The following RAB20 variants were observed in gnomAD, a reference collection of about 807,000 sequenced individuals.
The protein encoded by RAB20 is ras-related protein Rab-20.
Under a neutral mutation model 3.7 loss-of-function variants are expected in RAB20, and 2 were observed. The ratio of observed to expected loss-of-function variants is 0.54; its 90% CI spans 0.22 to 1.69. The LOEUF is 1.69. Among genes scored for constraint, RAB20 ranks in the 40% most tolerant of loss-of-function variants. The probability of loss-of-function intolerance (pLI) is 0.19; values close to 1 mark genes in which losing one functional copy is unlikely to be tolerated. For missense variants in RAB20, 276 were observed against 311.9 expected (o/e 0.88, Z 0.87); for synonymous variants, 126 against 130.8 (o/e 0.96, Z 0.25).
rs199610458 is a variant in RAB20, at chr13:110,546,723, TTTG to T, written c.172+14622_172+14624del. Among the ~76,000 whole-genome samples the T allele has an allele frequency of 1.9e-3, 76 of 39,970 alleles. 1 individual carries two copies. The highest frequency in any genetic ancestry group is 6.2e-3 in the Admixed American group (22 of 3,548). 26.2% of individuals were successfully genotyped at this position (39,970 alleles called of 152,430 possible). A position where few individuals can be genotyped will look rare whatever the true frequency, so the allele number is the denominator to read the frequency against. On this transcript the variant is annotated intron_variant, in intron 1 of 1. Transcript: ENST00000267328. ...CTGTTTTTTTTTGTTTTTTGGGTTT[TTTG>T]TTTGTTTGTTTGTTTGTTTGTTTGT...
chr13:110,533,057 C>T (rs746025566), intron 1 of RAB20, among the ~76,000 whole-genome samples: 26 of 152,176 alleles, frequency 1.7e-4, no homozygotes, highest in Non-Finnish European at 5.9e-5. Context: ...CACAAAACAT[C>T]GATGTGACAA....
At chr13:110,538,549 T>A (rs1298483167) in intron 1 of RAB20, among the ~76,000 whole-genome samples, 1 of 136,588 alleles carries the variant, frequency 7.3e-6, no homozygotes, top group African/African-American at 2.7e-5. Flanking sequence ...GAGGTTGTAG[T>A]GAGCTATGAT....
chr13:110,530,726 A>G (rs1262649116), intron 1 of RAB20, among the ~76,000 whole-genome samples: 76 of 95,936 alleles, frequency 7.9e-4, no homozygotes, highest in African/African-American at 1.1e-3. Context: ...ACAGGGCCCT[A>G]GGGAAGTAGG....
chr13:110,530,103 C>A (rs533750338), intron 1 of RAB20, among the ~76,000 whole-genome samples: 1 of 152,008 alleles, frequency 6.6e-6, no homozygotes, highest in Non-Finnish European at 1.5e-5. Flanking sequence ...CAGACAGGGC[C>A]CTGGGGAGGC....
chr13:110,548,070 T>C (rs1190035156), intron 1 of RAB20, among the ~76,000 whole-genome samples: 1 of 152,126 alleles, frequency 6.6e-6, no homozygotes, highest in Non-Finnish European at 1.5e-5. Flanking sequence ...ATTTCCAAAA[T>C]ACAAATAGGA....
intron 1 of RAB20, among the ~76,000 whole-genome samples, chr13:110,534,044 G>C (rs1458221408): frequency 6.6e-6 from 1 of 152,218 alleles, no homozygotes; most frequent in African/African-American, 2.4e-5. Flanking sequence ...TCGGGCCCCG[G>C]TGCCCAGCAG....
chr13:110,536,063 G>A (rs933570817), intron 1 of RAB20, among the ~76,000 whole-genome samples: 1 of 152,182 alleles, frequency 6.6e-6, no homozygotes, highest in African/African-American at 2.4e-5. Context: ...CCTTATTAGA[G>A]AAGACACCCG....
intron 1 of RAB20, among the ~76,000 whole-genome samples, chr13:110,525,725 G>C (rs188238236): frequency 6.6e-6 from 1 of 152,190 alleles, no homozygotes; most frequent in South Asian, 2.1e-4. Context: ...ACGCCTGCTG[G>C]TATGTCCTCC....
At chr13:110,531,960 T>C (rs1221497477) in intron 1 of RAB20, among the ~76,000 whole-genome samples, 3 of 152,172 alleles carry the variant, frequency 2.0e-5, no homozygotes, top group Admixed American at 6.5e-5. Flanking sequence ...CCCAAGTGCT[T>C]TCCATTTCAC....
chr13:110,540,870 A>G (rs1884747677), intron 1 of RAB20, among the ~76,000 whole-genome samples: 1 of 152,250 alleles, frequency 6.6e-6, no homozygotes, highest in Non-Finnish European at 1.5e-5. Context: ...AAAGAAGGCG[A>G]GGAGCTGGAA....
At chr13:110,536,111 CG>C (rs34671922) in intron 1 of RAB20, among the ~76,000 whole-genome samples, 1 of 152,172 alleles carries the variant, frequency 6.6e-6, no homozygotes, top group Non-Finnish European at 1.5e-5. Context: ...GGCAGACCCC[CG>C]GGGAGGAGAC....
rs866026238 is a variant in RAB20 at position 110,536,726 on chromosome 13, C to T, written c.173-12529G>A. ...TATCTAAAATGGCTTTTTTTTGGGGCGGTGGGGGGGGGTTGTTTTTATGTT... is the reference window on the plus strand; with the variant it reads ...TATCTAAAATGGCTTTTTTTTGGGGTGGTGGGGGGGGGTTGTTTTTATGTT... On this transcript the variant is annotated intron_variant, in intron 1 of 1. Transcript: ENST00000267328. Among the ~76,000 whole-genome samples the T allele has an allele frequency of 5.8e-3, 61 of 10,568 alleles. 6 individuals carry two copies. The highest frequency in any genetic ancestry group is 7.0e-3 in the Non-Finnish European group (45 of 6,452). 6.9% of individuals were successfully genotyped at this position (10,568 alleles called of 152,430 possible). A position where few individuals can be genotyped will look rare whatever the true frequency, so the allele number is the denominator to read the frequency against.
At chr13:110,538,859 A>T (rs1437522036) in intron 1 of RAB20, among the ~76,000 whole-genome samples, 2 of 152,122 alleles carry the variant, frequency 1.3e-5, no homozygotes, top group Non-Finnish European at 2.9e-5. Flanking sequence ...GTCCCTGGCC[A>T]GGCAAGAGCC....
At chr13:110,531,042 A>AGCTAAT (rs1884530234) in intron 1 of RAB20, among the ~76,000 whole-genome samples, 1 of 152,262 alleles carries the variant, frequency 6.6e-6, no homozygotes, top group Non-Finnish European at 1.5e-5. Context: ...GCGCTGCATT[A>AGCTAAT]GCTATGGGAA....
chr13:110,523,779 G>C lies in RAB20; in HGVS notation c.591C>G (p.Leu197=). Residue 197 remains leucine, a synonymous_variant, in exon 2 of 2, where the codon CTC becomes CTG. Transcript: ENST00000267328. ...GYNVDLLFET[L]FDLVVPMILQ... ...AGATCATTGGCACCACCAGGTCAAA[G>C]AGGGTCTCAAACAGGAGGTCCACAT... 1 of 1,614,220 alleles carries C rather than the reference G, an allele frequency of 6.2e-7. No individual in the cohort carries two copies. The highest frequency in any genetic ancestry group is 8.5e-7 in the Non-Finnish European group (1 of 1,180,040).
chr13:110,550,601 G>A (rs893362285), intron 1 of RAB20, among the ~76,000 whole-genome samples: 4 of 152,172 alleles, frequency 2.6e-5, no homozygotes, highest in South Asian at 4.1e-4. Flanking sequence ...GCTCACAGGA[G>A]TTTCCTGTGT....
intron 1 of RAB20, among the ~76,000 whole-genome samples, chr13:110,541,570 C>T (rs1310809098): frequency 1.3e-5 from 2 of 152,294 alleles, no homozygotes; most frequent in East Asian, 3.9e-4. Context: ...TTAAAACTTC[C>T]TCCATTCCTT....
intron 1 of RAB20, among the ~76,000 whole-genome samples, chr13:110,539,088 C>T (rs2148080): frequency 0.34 from 52,171 of 152,010 alleles, 10,100 homozygotes; most frequent in African/African-American, 0.53. Context: ...GATTAGGTGA[C>T]CTTATTTTTT....
At chr13:110,556,653 C>T (rs771668552) in intron 1 of RAB20, among the ~76,000 whole-genome samples, 7 of 152,142 alleles carry the variant, frequency 4.6e-5, no homozygotes, top group Non-Finnish European at 5.9e-5. Flanking sequence ...CTTACCTCAG[C>T]CTCCCAAGTA....
Sources: allele counts gnomAD v4.1 joint callset (sites outside exome capture counted in the v4.1 genomes callset), GRCh38; gene constraint gnomAD v4.1.1; transcripts MANE v1.5; gene names NCBI Gene and HGNC (gene_info 2026-07-23, HGNC 2026-07-21).